Variants in CCDC60 observed in about 807,000 individuals in gnomAD.
CCDC60 encodes coiled-coil domain containing 60.
In CCDC60, 54 loss-of-function variants were observed where a neutral mutation model predicts 63.5. The ratio of observed to expected loss-of-function variants is 0.85; its 90% confidence interval spans 0.68 to 1.07. The LOEUF (loss-of-function observed/expected upper bound fraction) is 1.07. Ranked by LOEUF, CCDC60 falls within the 50% of genes least tolerant of loss-of-function variation. The probability of loss-of-function intolerance (pLI) is 0.00; values close to 1 mark genes in which losing one functional copy is unlikely to be tolerated. For synonymous variants in CCDC60, 206 were observed against 238.8 expected, an observed-to-expected ratio of 0.86 and a Z score of 1.27; for missense variants, 651 against 684.3, an observed-to-expected ratio of 0.95 and a Z score of 0.54.
At chr12:119,524,309 G>A (rs765229143) in intron 11 of CCDC60, 8 of 230,508 alleles carry the variant, frequency 3.5e-5, no homozygotes, top group Non-Finnish European at 4.3e-5. Flanking sequence ...GTTATGATGC[G>A]GGATTTGATC....
chr12:119,350,634 A>G (rs1955647029), intron 1 of CCDC60, among the ~76,000 whole-genome samples: 1 of 152,210 alleles, frequency 6.6e-6, no homozygotes, highest in South Asian at 2.1e-4. Context: ...CTCTGGGTCC[A>G]GCAGATGCCT....
rs200542757 is a variant in CCDC60, at chr12:119,462,475, G to GT, written c.171-9512dup. Among the ~76,000 whole-genome samples, 686 of 151,836 alleles carry GT rather than the reference G, an allele frequency of 4.5e-3. 3 individuals carry two copies. The highest frequency in any genetic ancestry group is 9.1e-3 in the African/African-American group (377 of 41,420). On this transcript the variant is annotated intron_variant, in intron 2 of 13. Coordinates refer to ENST00000327554, the MANE Select transcript of CCDC60 (RefSeq NM_178499.5). ...TGTCTTACCTGATTTTGGTTTTCTT[G>GT]TTTTTTTCTGCCTTCTGCCTGTCTC...
At chr12:119,342,509 C>T (rs932340255) in intron 1 of CCDC60, among the ~76,000 whole-genome samples, 1 of 152,136 alleles carries the variant, frequency 6.6e-6, no homozygotes, top group African/African-American at 2.4e-5. Flanking sequence ...ATAGGGATCC[C>T]AAGCCATGCA....
At chr12:119,495,031 G>A (rs1273480249) in intron 5 of CCDC60, among the ~76,000 whole-genome samples, 1 of 152,152 alleles carries the variant, frequency 6.6e-6, no homozygotes, top group African/African-American at 2.4e-5. Flanking sequence ...GATGAAAATG[G>A]CTGGCACTTG....
intron 1 of CCDC60, among the ~76,000 whole-genome samples, chr12:119,375,269 AAAAC>A (rs1955939682): frequency 6.6e-6 from 1 of 152,228 alleles, no homozygotes; most frequent in Admixed American, 6.5e-5. Context: ...CTTTCTGGAA[AAAAC>A]AAACAAGCAA....
Position 119,492,291 on chromosome 12 carries a change from G to A in CCDC60, c.557+3425G>A, listed in dbSNP as rs113491289. The stretch of plus-strand genomic sequence containing the variant: ...GATTTGTGACAATGCCAATTTCCAC[G>A]GTGTAAATACTCCCACCGTGGCTGA... On this transcript the variant is annotated intron_variant, in intron 5 of 13. Transcript: ENST00000327554. Among the ~76,000 whole-genome samples, 352 of 152,098 alleles carry A rather than the reference G, an allele frequency of 2.3e-3. 3 individuals are homozygous for A. The highest frequency in any genetic ancestry group is 7.8e-3 in the African/African-American group (322 of 41,464).
At chr12:119,487,009 A>AG (rs1182393744) in intron 4 of CCDC60, among the ~76,000 whole-genome samples, 2 of 151,836 alleles carry the variant, frequency 1.3e-5, no homozygotes, top group Non-Finnish European at 2.9e-5. Flanking sequence ...TCTTGCGGGG[A>AG]GGGGGGTGGC....
At chr12:119,476,938 C>T (rs1333014131) in intron 3 of CCDC60, among the ~76,000 whole-genome samples, 1 of 152,252 alleles carries the variant, frequency 6.6e-6, no homozygotes, top group Non-Finnish European at 1.5e-5. Flanking sequence ...ACTTCTGCTA[C>T]AGTTACTATT....
chr12:119,377,770 G>T (rs190906803), intron 1 of CCDC60, among the ~76,000 whole-genome samples: 28 of 151,696 alleles, frequency 1.8e-4, no homozygotes, highest in Non-Finnish European at 3.1e-4. Context: ...AAATTTAACC[G>T]CTGTGTGAAC....
intron 2 of CCDC60, among the ~76,000 whole-genome samples, chr12:119,449,685 T>C (rs928659129): frequency 6.6e-6 from 1 of 152,148 alleles, no homozygotes; most frequent in African/African-American, 2.4e-5. Flanking sequence ...GACTGAGAAA[T>C]TGCCCTGCAT....
chr12:119,376,758 C>G (rs1443928388), intron 1 of CCDC60, among the ~76,000 whole-genome samples: 1 of 152,126 alleles, frequency 6.6e-6, no homozygotes, highest in Admixed American at 6.5e-5. Flanking sequence ...AAACAGTGTG[C>G]CCCTATATAT....
chr12:119,488,974 G>A (rs1015715171), intron 5 of CCDC60, 108 bp downstream of exon 5: 1 of 871,430 alleles, frequency 1.1e-6, no homozygotes, highest in Non-Finnish European at 1.9e-6. Context: ...TAGGTGGGCT[G>A]TTTCAGTTCC....
Position 119,335,270 on chromosome 12 carries a change from A to G in CCDC60, c.90+4A>G. ...TGCCTCGGAGAACCTAAGGCAGGTA[A>G]GTCTCCCCTCTGCTGAAACCAATCA... On this transcript the variant is annotated splice_donor_region_variant and intron_variant, in intron 1 of 13. Coordinates refer to ENST00000327554, the MANE Select transcript of CCDC60 (RefSeq NM_178499.5). 6.3e-7 allele frequency: 1 copy of G among 1,591,286 alleles called. No individual in the cohort carries two copies. The highest frequency in any genetic ancestry group is 8.5e-7 in the Non-Finnish European group (1 of 1,169,658).
intron 2 of CCDC60, among the ~76,000 whole-genome samples, chr12:119,445,266 T>C (rs1593097992): frequency 2.0e-5 from 3 of 151,288 alleles, no homozygotes; most frequent in African/African-American, 7.3e-5. Context: ...AAACCCCGTC[T>C]CTACTAAAAA....
In CCDC60 at chr12:119,458,440, T is replaced by A. The variant is rs78003575; in HGVS notation, c.171-13554T>A. On this transcript the variant is annotated intron_variant, in intron 2 of 13. Transcript: ENST00000327554. The stretch of plus-strand genomic sequence containing the variant: ...TTAAAAGTTTATTTTTATTTTTATT[T>A]TTTTTTAAGTACATCTGGGCTCTTA... Among the ~76,000 whole-genome samples the A allele has an allele frequency of 6.2e-3, 942 of 152,354 alleles. 12 individuals are homozygous for A. Among genetic ancestry groups the A allele is most frequent in the African/African-American group, 0.021 (890 of 41,580 alleles).
At chr12:119,451,713 A>G (rs1370392149) in intron 2 of CCDC60, among the ~76,000 whole-genome samples, 1 of 152,170 alleles carries the variant, frequency 6.6e-6, no homozygotes, top group Admixed American at 6.5e-5. Flanking sequence ...CACCTTTTAC[A>G]CAGTCAGTGT....
chr12:119,508,755 G>A (rs1168344796), intron 7 of CCDC60, among the ~76,000 whole-genome samples: 1 of 152,170 alleles, frequency 6.6e-6, no homozygotes, highest in Non-Finnish European at 1.5e-5. Context: ...TATCTGGAAA[G>A]TTTTCAGTAC....
intron 1 of CCDC60, among the ~76,000 whole-genome samples, chr12:119,336,069 G>A (rs1209278073): frequency 1.5e-5 from 2 of 129,630 alleles, no homozygotes; most frequent in African/African-American, 5.9e-5. Context: ...ACAGGAAGGG[G>A]AACATCACAC....
At chr12:119,498,557 G>C (rs1348855405) in intron 5 of CCDC60, among the ~76,000 whole-genome samples, 1 of 152,050 alleles carries the variant, frequency 6.6e-6, no homozygotes, top group East Asian at 1.9e-4. Flanking sequence ...GGCTGGTCTC[G>C]AACTTCTCAT....
Sources: gnomAD v4.1 joint callset for allele counts (sites outside exome capture counted in the v4.1 genomes callset) on GRCh38, gnomAD v4.1.1 for gene constraint, MANE v1.5 for transcripts, NCBI Gene and HGNC (gene_info 2026-07-23, HGNC 2026-07-21) for gene names.